SLMAP: variants seen among roughly 807,000 people sequenced by gnomAD.
The protein encoded by SLMAP is sarcolemmal membrane-associated protein.
A neutral mutation model predicts 128.8 loss-of-function variants in SLMAP; 44 were observed. That is an observed-to-expected ratio of 0.34 (90% CI 0.27 to 0.44). SLMAP has a LOEUF of 0.44. Ranked by LOEUF, SLMAP falls within the 20% of genes least tolerant of loss-of-function variation. The pLI is 1.00. For synonymous variants in SLMAP, 327 were observed against 348.8 expected, an observed-to-expected ratio of 0.94 and a Z score of 0.70; for missense variants, 787 against 985.3, an observed-to-expected ratio of 0.80 and a Z score of 2.69.
At chr3:57,831,589 T>G in intron 3 of SLMAP, 59 bp downstream of exon 3, 2 of 1,181,844 alleles carry the variant, frequency 1.7e-6, no homozygotes, top group Non-Finnish European at 2.3e-6. Flanking sequence ...TAATTTTTTA[T>G]TATCTTACTT....
intron 2 of SLMAP, among the ~76,000 whole-genome samples, chr3:57,765,491 G>A (rs2079502842): frequency 6.6e-6 from 1 of 152,140 alleles, no homozygotes; most frequent in African/African-American, 2.4e-5. Flanking sequence ...CATGTTCCAA[G>A]GACATTGTAA....
intron 2 of SLMAP, among the ~76,000 whole-genome samples, chr3:57,788,338 G>A (rs1021192297): frequency 2.0e-5 from 3 of 152,182 alleles, no homozygotes; most frequent in Admixed American, 1.3e-4. Flanking sequence ...TTTTAGAATA[G>A]CAGTCATGGT....
In SLMAP at chr3:57,929,244, C is replaced by T. The variant is rs1026171191; in HGVS notation, c.*1955C>T. On this transcript the variant is annotated 3_prime_UTR_variant, in exon 25 of 25. Transcript: ENST00000671191. ...TGGGTTGTTAATAGTCTTCTCTTGA[C>T]ATGACTCTTTATGCAACATAACATA... The T allele has an allele frequency of 1.3e-5, 2 of 152,626 alleles. No homozygotes were observed. The highest frequency in any genetic ancestry group is 4.8e-5 in the African/African-American group (2 of 41,454). The allele number at this position is 152,626 out of a possible 1,614,324, so 9.5% of individuals were successfully genotyped here.
At chr3:57,885,631 C>G (rs2153640154) in intron 14 of SLMAP, among the ~76,000 whole-genome samples, 1 of 151,378 alleles carries the variant, frequency 6.6e-6, no homozygotes, top group South Asian at 2.1e-4. Flanking sequence ...GTTGGTCAGG[C>G]TGGTCTCAAA....
chr3:57,825,002 A>T (rs1041096967), intron 2 of SLMAP, among the ~76,000 whole-genome samples: 1 of 152,154 alleles, frequency 6.6e-6, no homozygotes, highest in African/African-American at 2.4e-5. Flanking sequence ...TAGGTATTTT[A>T]TTCTTCTAGA....
At position 57,920,868 on chromosome 3, in the gene SLMAP, T is replaced by C. The variant is rs567044045; in HGVS notation, c.2311-2021T>C. On this transcript the variant is annotated intron_variant, in intron 22 of 24. Transcript: ENST00000671191. ...CATCTGTACTAAAAATACAAAAAAA[T>C]TAGCCAGGCATGGTGGTGCATGCCT... 4.6e-5 allele frequency among the ~76,000 whole-genome samples: 7 copies of C among 152,056 alleles called. No individual in the cohort carries two copies. In the South Asian group the frequency reaches 1.5e-3, roughly 32 times the overall value.
At chr3:57,847,851 T>C (rs891220731) in intron 5 of SLMAP, among the ~76,000 whole-genome samples, 15 of 152,338 alleles carry the variant, frequency 9.8e-5, no homozygotes, top group Admixed American at 8.5e-4. Context: ...AAATATTTTA[T>C]GTTTTTCTTC....
At chr3:57,853,734 A>G (rs991685262) in intron 6 of SLMAP, among the ~76,000 whole-genome samples, 1 of 151,424 alleles carries the variant, frequency 6.6e-6, no homozygotes, top group African/African-American at 2.4e-5. Flanking sequence ...TGTGGTCAGG[A>G]GTTCGAGACC....
intron 15 of SLMAP, among the ~76,000 whole-genome samples, chr3:57,894,965 A>T (rs1160519273): frequency 6.6e-6 from 1 of 152,154 alleles, no homozygotes; most frequent in African/African-American, 2.4e-5. Context: ...GATTTCATTC[A>T]GAGAAATGAC....
intron 3 of SLMAP, 40 bp from the exon 4 acceptor site, chr3:57,841,259 A>C: frequency 8.1e-7 from 1 of 1,240,838 alleles, no homozygotes; most frequent in Non-Finnish European, 1.2e-6. Context: ...TATATTTTTA[A>C]ACAATTATTT....
chr3:57,890,229 A>G (rs2096024173), intron 15 of SLMAP, 129 bp downstream of exon 15: 2 of 721,626 alleles, frequency 2.8e-6, no homozygotes, highest in Admixed American at 5.4e-5. Flanking sequence ...CAAGCCAGTA[A>G]CAGTATCAGA....
intron 14 of SLMAP, among the ~76,000 whole-genome samples, chr3:57,884,954 A>G (rs1290017245): frequency 6.6e-6 from 1 of 152,270 alleles, no homozygotes; most frequent in East Asian, 1.9e-4. Flanking sequence ...AGCCAAGATC[A>G]GACTTTTGAG....
intron 2 of SLMAP, among the ~76,000 whole-genome samples, chr3:57,785,607 A>C (rs1166606592): frequency 6.6e-6 from 1 of 152,208 alleles, no homozygotes; most frequent in Non-Finnish European, 1.5e-5. Flanking sequence ...AGCAACATAC[A>C]TGTAAATACA....
At chr3:57,790,814 T>C (rs1485377714) in intron 2 of SLMAP, among the ~76,000 whole-genome samples, 1 of 152,220 alleles carries the variant, frequency 6.6e-6, no homozygotes, top group African/African-American at 2.4e-5. Flanking sequence ...AGATAAGTTA[T>C]TAAATATTCA....
chr3:57,767,558 A>C (rs150122863), intron 2 of SLMAP, among the ~76,000 whole-genome samples: 1 of 152,332 alleles, frequency 6.6e-6, no homozygotes, highest in East Asian at 1.9e-4. Context: ...GGTGATATGA[A>C]ATTATATATA....
chr3:57,771,855 G>C (rs73834736), intron 2 of SLMAP, among the ~76,000 whole-genome samples: 2,147 of 152,266 alleles, frequency 0.014, 57 homozygotes, highest in African/African-American at 0.049. Flanking sequence ...CTTCTACTAA[G>C]TTTGTACAGT....
chr3:57,907,323 A>G (rs7620169), intron 17 of SLMAP, among the ~76,000 whole-genome samples: 92,680 of 152,116 alleles, frequency 0.61, 28,890 homozygotes, highest in East Asian at 0.98. Flanking sequence ...CACCACGCCC[A>G]GCTCAGATAT....
intron 14 of SLMAP, among the ~76,000 whole-genome samples, chr3:57,884,355 G>A (rs1448375588): frequency 6.6e-6 from 1 of 152,174 alleles, no homozygotes. Context: ...ATATGTCTGA[G>A]GGGGTAGGTA....
chr3:57,780,649 A>C (rs570464925), intron 2 of SLMAP, among the ~76,000 whole-genome samples: 1 of 145,040 alleles, frequency 6.9e-6, no homozygotes. Context: ...AACTTAAATA[A>C]TTTTTTTTTT....
Sources: allele counts gnomAD v4.1 joint callset (sites outside exome capture counted in the v4.1 genomes callset), GRCh38; gene constraint gnomAD v4.1.1; transcripts MANE v1.5; gene names NCBI Gene and HGNC (gene_info 2026-07-23, HGNC 2026-07-21).